DNER: variants seen among roughly 807,000 people sequenced by gnomAD.
DNER encodes delta and Notch-like epidermal growth factor-related receptor.
A neutral mutation model predicts 78.2 loss-of-function variants in DNER; 33 were observed. The ratio of observed to expected loss-of-function variants is 0.42; its 90% CI spans 0.32 to 0.56. DNER has a LOEUF of 0.56. Among genes scored for constraint, DNER ranks in the 20% least tolerant of loss-of-function variants. The probability of loss-of-function intolerance (pLI) is 0.11; values close to 1 mark genes in which losing one functional copy is unlikely to be tolerated. For missense variants in DNER, 918 were observed against 975.3 expected (o/e 0.94, Z 0.78); for synonymous variants, 417 against 384.8 (o/e 1.08, Z -0.98).
At chr2:229,691,409 C>A (rs1267761287) in intron 1 of DNER, among the ~76,000 whole-genome samples, 1 of 151,976 alleles carries the variant, frequency 6.6e-6, no homozygotes, top group Non-Finnish European at 1.5e-5. Context: ...AGTTTCTAGT[C>A]CTAAATGAGG....
At chr2:229,450,078 G>A (rs1694424348) in intron 7 of DNER, among the ~76,000 whole-genome samples, 1 of 152,066 alleles carries the variant, frequency 6.6e-6, no homozygotes, top group South Asian at 2.1e-4. Context: ...CCGTGCCTGG[G>A]CACAGAAATC....
At chr2:229,663,832 T>G (rs1256410980) in intron 1 of DNER, among the ~76,000 whole-genome samples, 1 of 152,140 alleles carries the variant, frequency 6.6e-6, no homozygotes, top group Non-Finnish European at 1.5e-5. Context: ...GTGCAATTTT[T>G]TTGTTGTTGT....
intron 1 of DNER, among the ~76,000 whole-genome samples, chr2:229,684,480 T>A (rs1303824039): frequency 1.3e-5 from 2 of 151,980 alleles, no homozygotes; most frequent in Non-Finnish European, 2.9e-5. Flanking sequence ...TCCCATCCTT[T>A]CTCTTTCCAT....
At chr2:229,519,581 C>T (rs1403036023) in intron 5 of DNER, among the ~76,000 whole-genome samples, 1 of 151,970 alleles carries the variant, frequency 6.6e-6, no homozygotes, top group Non-Finnish European at 1.5e-5. Context: ...AAAATTATGT[C>T]AGGTGTCCCA....
chr2:229,691,748 G>A (rs1239558647), intron 1 of DNER, among the ~76,000 whole-genome samples: 5 of 151,204 alleles, frequency 3.3e-5, no homozygotes, highest in Non-Finnish European at 5.9e-5. Context: ...AAAAAAAAAA[G>A]ATGCATTATG....
rs6752590 is a variant in DNER, at chr2:229,440,438, G to A, written c.1486+6878C>T. Among the ~76,000 whole-genome samples the A allele has an allele frequency of 5.0e-4, 76 of 151,970 alleles. 1 individual carries two copies. The highest frequency in any genetic ancestry group is 1.7e-3 in the African/African-American group (72 of 41,484). ...TACCGCCCTCACCCTGCAACCTCCC[G>A]ACCTCCCAACTCACTGCTGGCTCCT... On this transcript the variant is annotated intron_variant, in intron 8 of 12. Transcript: ENST00000341772.
At chr2:229,444,896 T>C (rs1694308876) in intron 8 of DNER, among the ~76,000 whole-genome samples, 1 of 152,088 alleles carries the variant, frequency 6.6e-6, no homozygotes, top group Admixed American at 6.6e-5. Flanking sequence ...TTGATATAAT[T>C]AAGAAAAGAA....
At chr2:229,590,832 A>G (rs1482799987) in intron 2 of DNER, among the ~76,000 whole-genome samples, 2 of 152,194 alleles carry the variant, frequency 1.3e-5, no homozygotes, top group African/African-American at 2.4e-5. Context: ...GTGATCTCCA[A>G]TGTGGGATGT....
chr2:229,617,955 A>G (rs1049543117), intron 1 of DNER, among the ~76,000 whole-genome samples: 1 of 152,196 alleles, frequency 6.6e-6, no homozygotes, highest in South Asian at 2.1e-4. Context: ...CTGAGTGAAC[A>G]CTGTCTCAAA....
intron 1 of DNER, among the ~76,000 whole-genome samples, chr2:229,633,588 A>G (rs891030092): frequency 8.5e-5 from 13 of 152,256 alleles, no homozygotes; most frequent in African/African-American, 3.1e-4. Flanking sequence ...AAAAAATTAA[A>G]TCCCAAGTAT....
intron 7 of DNER, among the ~76,000 whole-genome samples, chr2:229,471,698 A>G (rs1694926995): frequency 1.3e-5 from 2 of 152,238 alleles, no homozygotes; most frequent in African/African-American, 2.4e-5. Flanking sequence ...TCATCATAAT[A>G]GCTAACATTA....
chr2:229,362,849 AACCAG>A (rs1262820535), intron 12 of DNER, among the ~76,000 whole-genome samples: 1 of 152,234 alleles, frequency 6.6e-6, no homozygotes, highest in Non-Finnish European at 1.5e-5. Context: ...AAGATACTGT[AACCAG>A]TTATAAGGCA....
intron 4 of DNER, among the ~76,000 whole-genome samples, chr2:229,577,698 G>T (rs1444796375): frequency 1.3e-5 from 2 of 152,082 alleles, no homozygotes; most frequent in African/African-American, 4.8e-5. Context: ...TGATCCAAAG[G>T]AGAATATTCC....
chr2:229,601,972 T>C (rs1309072243), intron 1 of DNER, among the ~76,000 whole-genome samples: 1 of 151,954 alleles, frequency 6.6e-6, no homozygotes, highest in Non-Finnish European at 1.5e-5. Context: ...CTTACTGACA[T>C]AGGCACACCA....
chr2:229,711,374 A>T (rs1699910326), intron 1 of DNER, among the ~76,000 whole-genome samples: 1 of 152,190 alleles, frequency 6.6e-6, no homozygotes, highest in African/African-American at 2.4e-5. Flanking sequence ...AAGATGAGGA[A>T]ATAAGACCCA....
chr2:229,583,124 T>G (rs1332069901), intron 4 of DNER, among the ~76,000 whole-genome samples: 1 of 152,130 alleles, frequency 6.6e-6, no homozygotes, highest in Non-Finnish European at 1.5e-5. Context: ...TTAATCCCCA[T>G]CCTCAATCTC....
At chr2:229,429,011 G>A (rs1051413297) in intron 8 of DNER, among the ~76,000 whole-genome samples, 1 of 152,186 alleles carries the variant, frequency 6.6e-6, no homozygotes, top group Non-Finnish European at 1.5e-5. Context: ...GAATTACACT[G>A]GGCAGACAGC....
chr2:229,586,096 A>G lies in DNER; in HGVS notation c.681-72T>C. ...CATCTTAGAACCAGTTCTTCAAATTAAAAATAAATACAAAGATGGTATGTG... is the reference window on the plus strand; with the variant it reads ...CATCTTAGAACCAGTTCTTCAAATTGAAAATAAATACAAAGATGGTATGTG... On this transcript the variant is annotated intron_variant, in intron 3 of 12. Transcript: ENST00000341772. 3.3e-6 allele frequency: 5 copies of G among 1,495,134 alleles called. No homozygotes were observed. In the East Asian group the frequency reaches 1.2e-4, roughly 35 times the overall value. 92.6% of individuals were successfully genotyped at this position (1,495,134 alleles called of 1,614,324 possible).
At chr2:229,585,143 G>A (rs542632288) in intron 4 of DNER, among the ~76,000 whole-genome samples, 1 of 152,234 alleles carries the variant, frequency 6.6e-6, no homozygotes, top group Admixed American at 6.5e-5. Flanking sequence ...CCCTAAGTCA[G>A]GCCAAAATCA....
Sources: gnomAD v4.1 joint callset for allele counts (sites outside exome capture counted in the v4.1 genomes callset) on GRCh38, gnomAD v4.1.1 for gene constraint, MANE v1.5 for transcripts, NCBI Gene and HGNC (gene_info 2026-07-23, HGNC 2026-07-21) for gene names.